IL16: variants seen among roughly 807,000 people sequenced by gnomAD.
IL16 encodes the protein interleukin 16.
IL16 carries 67 observed loss-of-function variants against 110.1 expected under a neutral mutation model. The observed-to-expected ratio is 0.61, with a 90% confidence interval of 0.50 to 0.75. The LOEUF is 0.75. Ranked by LOEUF, IL16 falls within the 30% of genes least tolerant of loss-of-function variation. The pLI, the probability that IL16 is intolerant of heterozygous loss-of-function variation, is 0.00. For missense variants in IL16, 1,545 were observed against 1,655.0 expected (o/e 0.93, Z 1.15); for synonymous variants, 689 against 662.9 (o/e 1.04, Z -0.61).
chr15:81,186,076 C>T (rs1366771888), intron 1 of IL16, among the ~76,000 whole-genome samples: 1 of 152,140 alleles, frequency 6.6e-6, no homozygotes, highest in Non-Finnish European at 1.5e-5. Flanking sequence ...TTCCCCACAT[C>T]TGGCAGCCAA....
At chr15:81,301,565 T>C (rs1596054426) in intron 15 of IL16, 53 bp downstream of exon 15, 2 of 1,540,630 alleles carry the variant, frequency 1.3e-6, no homozygotes, top group South Asian at 2.4e-5. Context: ...TATGGCTGTG[T>C]GGCCACCTTA....
chr15:81,183,261 G>A (rs1242142872), intron 1 of IL16, among the ~76,000 whole-genome samples: 1 of 152,208 alleles, frequency 6.6e-6, no homozygotes, highest in African/African-American at 2.4e-5. Context: ...AGGCATCAGT[G>A]TCTAAAACGC....
intron 3 of IL16, among the ~76,000 whole-genome samples, chr15:81,260,942 T>C (rs537316215): frequency 6.6e-5 from 10 of 152,388 alleles, no homozygotes; most frequent in African/African-American, 1.7e-4. Context: ...AGTTTAAGGC[T>C]TTTTATCTGT....
At chr15:81,187,781 A>G (rs1451105053) in intron 1 of IL16, among the ~76,000 whole-genome samples, 1 of 152,216 alleles carries the variant, frequency 6.6e-6, no homozygotes, top group Non-Finnish European at 1.5e-5. Context: ...AAAGGCCCCC[A>G]GTTGTGGTGA....
At chr15:81,226,601 T>C (rs1353694737) in intron 2 of IL16, among the ~76,000 whole-genome samples, 2 of 152,222 alleles carry the variant, frequency 1.3e-5, no homozygotes, top group African/African-American at 4.8e-5. Context: ...GCTTGCCTTC[T>C]TCAGGAGGGA....
intron 9 of IL16, among the ~76,000 whole-genome samples, chr15:81,283,545 G>A (rs1899292613): frequency 6.6e-6 from 1 of 152,192 alleles, no homozygotes. Context: ...CCCCATGAAT[G>A]TGTATGCATG....
intron 3 of IL16, among the ~76,000 whole-genome samples, chr15:81,262,343 A>C (rs1898191247): frequency 6.6e-6 from 1 of 152,082 alleles, no homozygotes; most frequent in Non-Finnish European, 1.5e-5. Context: ...TTTAATGTGA[A>C]AGTTACTTCC....
At chr15:81,298,753 A>G (rs1213855788) in intron 13 of IL16, among the ~76,000 whole-genome samples, 1 of 152,234 alleles carries the variant, frequency 6.6e-6, no homozygotes, top group Non-Finnish European at 1.5e-5. Flanking sequence ...GTATAGGCAG[A>G]GCAGCAAACA....
Position 81,300,138 on chromosome 15 carries a change from C to A in IL16, c.2812C>A (p.Pro938Thr). The A allele has an allele frequency of 1.2e-6, 2 of 1,609,912 alleles. No homozygotes were observed. The highest frequency in any genetic ancestry group is 1.7e-6 in the Non-Finnish European group (2 of 1,177,308). Residue 938 changes from proline to threonine, a missense_variant, in exon 14 of 19, where the codon CCG becomes ACG. Around this residue, in one of 3 missense-constraint regions of IL16, gnomAD observed 1,185 missense variants for 1,238.8 expected, o/e 0.96. Transcript: ENST00000683961. ...CAATCAGAAAACTCTCCCCCCTGGC[C>A]CGGACCCGCTCCTAAGGCTGCTGTC... ...QPNQKTLPPG[P>T]DPLLRLLSTQ...
chr15:81,219,445 T>C (rs1031036187), intron 1 of IL16, among the ~76,000 whole-genome samples: 4 of 150,218 alleles, frequency 2.7e-5, no homozygotes, highest in Non-Finnish European at 5.9e-5. Context: ...AGGTAATATA[T>C]TACCTCCATA....
rs553242303 is a variant in IL16 at position 81,258,799 on chromosome 15, GCACACACAACATGTGCACA to G, written c.313-963_313-945del. Among the ~76,000 whole-genome samples, 164 of 149,424 alleles carry G rather than the reference GCACACACAACATGTGCACA, an allele frequency of 1.1e-3. 4 individuals are homozygous for G. The East Asian group carries it at 0.025, about 23-fold the overall frequency. ...TATATATATATATTTGTGCATATACGCACACACAACATGTGCACACACACACAAGGATTATGGTAGTGAG... is the reference window on the plus strand; with the variant it reads ...TATATATATATATTTGTGCATATACGCACACACAAGGATTATGGTAGTGAG... On this transcript the variant is annotated intron_variant, in intron 2 of 18. Transcript: ENST00000683961.
rs1036050917 is a variant in IL16, at chr15:81,279,752, G to C, written c.1059G>C (p.Met353Ile). 3 of 1,614,214 alleles carry C rather than the reference G, an allele frequency of 1.9e-6. No homozygotes were observed. Among genetic ancestry groups the C allele is most frequent in the Non-Finnish European group, 2.5e-6 (3 of 1,180,036 alleles). ...ISTAKPNYRI[M>I]VEVSLQKEAG... ...CCGCCAAGCCCAATTACAGAATCATGGTGGAGGTTTCTCTGCAGAAAGGTA... is the reference window on the plus strand; with the variant it reads ...CCGCCAAGCCCAATTACAGAATCATCGTGGAGGTTTCTCTGCAGAAAGGTA... The change falls in exon 8 of 19, where the codon ATG becomes ATC. Residue 353 changes from methionine (M) to isoleucine (I), a missense_variant. Met to Ile is a conservative substitution (Grantham distance 10). Transcript: ENST00000683961.
intron 1 of IL16, among the ~76,000 whole-genome samples, chr15:81,220,079 A>T (rs567201491): frequency 1.1e-4 from 16 of 152,304 alleles, no homozygotes; most frequent in African/African-American, 3.6e-4. Flanking sequence ...CCTGTGTACA[A>T]TGTATAGAGA....
At chr15:81,279,385 T>C (rs1431165151) in intron 7 of IL16, among the ~76,000 whole-genome samples, 173 bp from the exon 8 acceptor site, 1 of 152,244 alleles carries the variant, frequency 6.6e-6, no homozygotes, top group East Asian at 1.9e-4. Flanking sequence ...TATATAGTAG[T>C]TGTGTGTATA....
intron 1 of IL16, among the ~76,000 whole-genome samples, chr15:81,206,093 A>G (rs1284592606): frequency 1.3e-5 from 2 of 152,270 alleles, no homozygotes; most frequent in African/African-American, 2.4e-5. Context: ...TTAATTAGAC[A>G]AAATGTACAT....
At chr15:81,288,260 CTGCT>C (rs58704454) in intron 10 of IL16, among the ~76,000 whole-genome samples, 42,114 of 151,816 alleles carry the variant, frequency 0.28, 6,231 homozygotes, top group East Asian at 0.48. Flanking sequence ...GTCCAGTCTG[CTGCT>C]TGCTTATGGT....
intron 2 of IL16, among the ~76,000 whole-genome samples, chr15:81,244,780 C>A (rs980895290): frequency 6.6e-6 from 1 of 152,134 alleles, no homozygotes; most frequent in Non-Finnish European, 1.5e-5. Context: ...CTCTTTCTCT[C>A]TCCTTCCACA....
At chr15:81,295,860 G>T (rs1391884613) in intron 12 of IL16, among the ~76,000 whole-genome samples, 21 of 152,118 alleles carry the variant, frequency 1.4e-4, no homozygotes, top group Non-Finnish European at 1.5e-4. Context: ...AGTCCCAAAG[G>T]ATGCATTTGT....
At chr15:81,222,090 T>A (rs1176142113) in intron 1 of IL16, among the ~76,000 whole-genome samples, 1 of 152,014 alleles carries the variant, frequency 6.6e-6, no homozygotes, top group African/African-American at 2.4e-5. Context: ...TTATTGTACA[T>A]TGGAAGAGGA....
Sources: gnomAD v4.1 joint callset for allele counts (sites outside exome capture counted in the v4.1 genomes callset) on GRCh38, gnomAD v4.1.1 for gene constraint, gnomAD v4.1.1 regional missense constraint, MANE v1.5 for transcripts, NCBI Gene and HGNC (gene_info 2026-07-23, HGNC 2026-07-21) for gene names.